Variants in CELF2 observed in about 807,000 individuals in gnomAD.
CELF2 encodes CUGBP Elav-like family member 2.
A neutral mutation model predicts 62.6 loss-of-function variants in CELF2; 8 were observed. The observed-to-expected ratio is 0.13, with a 90% confidence interval of 0.07 to 0.23. The LOEUF (loss-of-function observed/expected upper bound fraction) is 0.23, where lower values mean the gene tolerates loss of function less well. CELF2 is among the 10% of genes least tolerant of loss of function. The pLI, the probability that CELF2 is intolerant of heterozygous loss-of-function variation, is 1.00. For synonymous variants in CELF2, 258 were observed against 250.0 expected (o/e 1.03, Z -0.30); for missense variants, 333 against 671.0 (o/e 0.50, Z 5.56).
At chr10:10,923,387 G>A (rs1028426616) in intron 2 of CELF2, among the ~76,000 whole-genome samples, 1 of 152,106 alleles carries the variant, frequency 6.6e-6, no homozygotes, top group Non-Finnish European at 1.5e-5. Context: ...GTTGCATAAG[G>A]GTGGAGTATT....
chr10:10,488,086 A>G, the CELF2 span, among the ~76,000 whole-genome samples: 1 of 152,166 alleles, frequency 6.6e-6, no homozygotes, highest in African/African-American at 2.4e-5. Flanking sequence ...TAAACTTGTC[A>G]TGTTCTATAA....
chr10:10,700,160 T>C, the CELF2 span, among the ~76,000 whole-genome samples: 1 of 152,200 alleles, frequency 6.6e-6, no homozygotes. Context: ...CATCTCGATA[T>C]GGATAAATCA....
rs1363586536 is a variant in CELF2 at position 11,242,445 on chromosome 10, A to C, written c.355-6708A>C. Reference sequence around the variant, plus strand: ...CCCTTCCTACAGCAGAGACCCACCGAGGCAGAGGGCTTCAGAGAGCCCCAC... The same window carrying C: ...CCCTTCCTACAGCAGAGACCCACCGCGGCAGAGGGCTTCAGAGAGCCCCAC... On this transcript the variant is annotated intron_variant, in intron 3 of 12. Transcript: ENST00000633077. This position sits in a 1 kb window ranked among gnomAD's most constrained non-coding sequence, Gnocchi z 4.8. Among the ~76,000 whole-genome samples the C allele has an allele frequency of 6.6e-6, 1 of 152,134 alleles. No individual in the cohort carries two copies. Among genetic ancestry groups the C allele is most frequent in the South Asian group, 2.1e-4 (1 of 4,812 alleles).
At chr10:10,478,885 A>G in the CELF2 span, among the ~76,000 whole-genome samples, 3 of 152,202 alleles carry the variant, frequency 2.0e-5, no homozygotes, top group Admixed American at 2.0e-4. Flanking sequence ...TAATAAGGTA[A>G]AAGCACAAAG....
the CELF2 span, among the ~76,000 whole-genome samples, chr10:10,753,393 A>G: frequency 6.6e-6 from 1 of 152,010 alleles, no homozygotes; most frequent in Non-Finnish European, 1.5e-5. Context: ...ACTCTGCAAC[A>G]GAGTGATTCA....
the CELF2 span, among the ~76,000 whole-genome samples, chr10:10,689,140 A>G: frequency 6.6e-6 from 1 of 152,312 alleles, no homozygotes; most frequent in African/African-American, 2.4e-5. Context: ...GAGACTGGGT[A>G]ACTTATGAAG....
chr10:10,918,174 A>T (rs1460328316), intron 1 of CELF2, among the ~76,000 whole-genome samples: 1 of 152,222 alleles, frequency 6.6e-6, no homozygotes, highest in African/African-American at 2.4e-5. Flanking sequence ...GATAAAACAG[A>T]CACTTAAAAG....
the CELF2 span, chr10:10,776,786 T>C: frequency 6.5e-6 from 1 of 153,334 alleles, no homozygotes; most frequent in Non-Finnish European, 1.5e-5. Context: ...GGGAGGAGTT[T>C]CAAGCAGGGG....
chr10:11,179,841 TAG>T (rs2072678329), intron 2 of CELF2, among the ~76,000 whole-genome samples: 2 of 152,318 alleles, frequency 1.3e-5, no homozygotes, highest in East Asian at 1.9e-4. Flanking sequence ...CCAGCTCGTA[TAG>T]AGTGTTGCCA....
chr10:10,772,021 A>G, the CELF2 span, among the ~76,000 whole-genome samples: 1 of 152,234 alleles, frequency 6.6e-6, no homozygotes. Context: ...TGAAAACCTT[A>G]GACAATTCCA....
At chr10:10,854,689 T>C in intron 1 of CELF2, among the ~76,000 whole-genome samples, 1 of 152,034 alleles carries the variant, frequency 6.6e-6, no homozygotes, top group Non-Finnish European at 1.5e-5. Flanking sequence ...TAAGCTCCCT[T>C]TGTCTTCCTC....
At chr10:10,873,795 G>C (rs17521857) in intron 1 of CELF2, among the ~76,000 whole-genome samples, 2,002 of 152,232 alleles carry the variant, frequency 0.013, 25 homozygotes, top group Non-Finnish European at 0.022. Context: ...TCCCTTCTCT[G>C]AATCCTCCTT....
At chr10:10,823,398 G>A (rs1349463546) in intron 1 of CELF2, among the ~76,000 whole-genome samples, 1 of 152,170 alleles carries the variant, frequency 6.6e-6, no homozygotes, top group Non-Finnish European at 1.5e-5. Context: ...TCGCAGGAAT[G>A]GAAATTGGGA....
At chr10:11,036,790 G>T (rs1285156127) in intron 1 of CELF2, among the ~76,000 whole-genome samples, 2 of 152,200 alleles carry the variant, frequency 1.3e-5, no homozygotes, top group Non-Finnish European at 2.9e-5. Flanking sequence ...GCATCAGTAT[G>T]GCCTGGGTGT....
At chr10:11,027,093 C>T (rs896281426) in intron 1 of CELF2, among the ~76,000 whole-genome samples, 5 of 152,240 alleles carry the variant, frequency 3.3e-5, no homozygotes, top group East Asian at 1.9e-4. Context: ...CATCTTTGCT[C>T]GTGACTCCCA....
chr10:10,560,649 C>A, the CELF2 span, among the ~76,000 whole-genome samples: 1 of 152,106 alleles, frequency 6.6e-6, no homozygotes, highest in African/African-American at 2.4e-5. Flanking sequence ...ACCATTTGAT[C>A]CACCAATCTC....
chr10:10,663,464 A>G, the CELF2 span, among the ~76,000 whole-genome samples: 1 of 152,216 alleles, frequency 6.6e-6, no homozygotes, highest in African/African-American at 2.4e-5. Context: ...AACTAATATG[A>G]CATTGATTTT....
chr10:11,176,250 T>G (rs2133854910), intron 2 of CELF2, among the ~76,000 whole-genome samples: 1 of 152,336 alleles, frequency 6.6e-6, no homozygotes, highest in South Asian at 2.1e-4. Context: ...GGCTAAAGTT[T>G]CACTGATGAG....
the CELF2 span, among the ~76,000 whole-genome samples, chr10:10,525,619 T>C: frequency 6.6e-6 from 1 of 152,244 alleles, no homozygotes; most frequent in Non-Finnish European, 1.5e-5. Context: ...TGGCTTATTT[T>C]AATGTCCTCC....
Sources: allele counts gnomAD v4.1 joint callset (sites outside exome capture counted in the v4.1 genomes callset), GRCh38; gene constraint gnomAD v4.1.1; non-coding constraint Gnocchi (gnomAD v3.1); transcripts MANE v1.5; gene names NCBI Gene and HGNC (gene_info 2026-07-23, HGNC 2026-07-21).